Variants in TNC observed in about 807,000 individuals in gnomAD.
TNC encodes the protein tenascin C.
A neutral mutation model predicts 202.4 loss-of-function variants in TNC; 109 were observed. The observed-to-expected ratio is 0.54, with a 90% CI of 0.46 to 0.63. The LOEUF (loss-of-function observed/expected upper bound fraction) is 0.63, where lower values mean the gene tolerates loss of function less well. TNC is among the 30% of genes least tolerant of loss of function. The pLI is 0.00. For synonymous variants in TNC, 1,007 were observed against 1,089.7 expected, an observed-to-expected ratio of 0.92 and a Z score of 1.50; for missense variants, 2,756 against 2,833.3, an observed-to-expected ratio of 0.97 and a Z score of 0.62.
rs59797450 is a variant in TNC, at chr9:115,103,957, A to G, written c.-136-12803T>C. 0.024 allele frequency among the ~76,000 whole-genome samples: 3,551 copies of G among 148,826 alleles called. 413 individuals carry two copies. In the East Asian group the frequency reaches 0.39, roughly 17 times the overall value. ...GTATACCTAAGAAATGCTCAGATGA[A>G]ATATGACTAGATCCATTGATACATT... is the stretch of plus-strand genomic sequence containing the variant. On this transcript the variant is annotated intron_variant, in intron 1 of 27. Transcript: ENST00000350763.
chr9:115,107,228 G>T (rs1836686791), intron 1 of TNC, among the ~76,000 whole-genome samples: 1 of 152,108 alleles, frequency 6.6e-6, no homozygotes, highest in African/African-American at 2.4e-5. Flanking sequence ...TAGAAAATAT[G>T]TAAAGCTTTG....
At chr9:115,074,197 C>G (rs1186770472) in intron 9 of TNC, among the ~76,000 whole-genome samples, 1 of 152,128 alleles carries the variant, frequency 6.6e-6, no homozygotes, top group Non-Finnish European at 1.5e-5. Context: ...GAGAATTATG[C>G]TGAAGGAAAA....
chr9:115,051,134 A>G (rs1249157278), intron 15 of TNC, among the ~76,000 whole-genome samples: 2 of 152,138 alleles, frequency 1.3e-5, no homozygotes, highest in Admixed American at 6.5e-5. Context: ...GAATTTAGTA[A>G]ACTGACACCA....
intron 6 of TNC, among the ~76,000 whole-genome samples, chr9:115,079,933 A>G (rs1476450325): frequency 6.6e-6 from 1 of 152,228 alleles, no homozygotes; most frequent in Non-Finnish European, 1.5e-5. Context: ...TACATCTGGA[A>G]AAAAGGTTAA....
rs142772210 is a variant in TNC, at chr9:115,057,378, C to T, written c.4354G>A (p.Glu1452Lys). ...GNLNVSDITP[E>K]SFNLSWMATD... is the part of the protein sequence containing the mutation. Reference sequence around the variant, plus strand: ...GCCATCCAGGAGAGATTGAAGCTCTCGGGAGTTATGTCAGAAACATTTAAG... The same window carrying T: ...GCCATCCAGGAGAGATTGAAGCTCTTGGGAGTTATGTCAGAAACATTTAAG... The change falls in exon 15 of 28, where the codon GAG becomes AAG. Residue 1452 changes from glutamate to lysine, a missense_variant. By Grantham distance (56) the Glu-to-Lys change is moderately conservative. Around this residue, in one of 2 missense-constraint regions of TNC, gnomAD observed 2,559 missense variants for 2,546.0 expected, o/e 1.01. Coordinates refer to ENST00000350763, the MANE Select transcript of TNC (RefSeq NM_002160.4). 1.4e-5 allele frequency: 22 copies of T among 1,613,498 alleles called. No individual in the cohort carries two copies. Among genetic ancestry groups the T allele is most frequent in the African/African-American group, 5.3e-5 (4 of 74,860 alleles).
intron 14 of TNC, 78 bp from the exon 15 acceptor site, chr9:115,057,503 G>T: frequency 1.4e-6 from 2 of 1,413,716 alleles, no homozygotes; most frequent in Non-Finnish European, 1.9e-6. Flanking sequence ...GATTGAGGTT[G>T]TTAATAGAAC....
chr9:115,078,070 G>T lies in TNC; in HGVS notation c.2547C>A (p.Ile849=), dbSNP rs753985056. The T allele has an allele frequency of 1.2e-6, 2 of 1,614,098 alleles. No homozygotes were observed. The highest frequency in any genetic ancestry group is 1.7e-6 in the Non-Finnish European group (2 of 1,180,002). Residue 849 remains isoleucine (I), a synonymous_variant, in exon 7 of 28, where the codon ATC becomes ATA. Coordinates refer to ENST00000350763, the MANE Select transcript of TNC (RefSeq NM_002160.4). ...ACTGGTTCTCGTCCTCTGTGAGATCGATGGTGGTACGGTCTCCTGGCACGT... is the reference window on the plus strand; with the variant it reads ...ACTGGTTCTCGTCCTCTGTGAGATCTATGGTGGTACGGTCTCCTGGCACGT... ...IKDVPGDRTT[I]DLTEDENQYS... is the part of the protein sequence containing the mutation.
rs562660782 is a variant in TNC at position 115,057,376 on chromosome 9, C to T, written c.4356G>A (p.Glu1452=). Residue 1452 remains glutamate (E), a synonymous_variant, in exon 15 of 28, where the codon GAG becomes GAA. Transcript: ENST00000350763. ...GNLNVSDITP[E]SFNLSWMATD... Reference sequence around the variant, plus strand: ...TAGCCATCCAGGAGAGATTGAAGCTCTCGGGAGTTATGTCAGAAACATTTA... The same window carrying T: ...TAGCCATCCAGGAGAGATTGAAGCTTTCGGGAGTTATGTCAGAAACATTTA... The T allele has an allele frequency of 6.2e-7, 1 of 1,613,806 alleles. No homozygotes were observed. The highest frequency in any genetic ancestry group is 2.2e-5 in the East Asian group (1 of 44,886).
rs545621335 is a variant in TNC, at chr9:115,068,987, C to T, written c.3215-4068G>A. Among the ~76,000 whole-genome samples the T allele has an allele frequency of 1.9e-3, 295 of 152,304 alleles. 1 individual carries two copies. The highest frequency in any genetic ancestry group is 3.7e-3 in the Admixed American group (56 of 15,298). Reference sequence around the variant, plus strand: ...GTTATAATTTGGGTTTTGGTTCTCTCTCTTATAGCAACGTGCACCATTTCT... The same window carrying T: ...GTTATAATTTGGGTTTTGGTTCTCTTTCTTATAGCAACGTGCACCATTTCT... On this transcript the variant is annotated intron_variant, in intron 10 of 27. Transcript: ENST00000350763.
intron 1 of TNC, among the ~76,000 whole-genome samples, chr9:115,109,741 GT>G (rs1323511205): frequency 6.6e-6 from 1 of 152,228 alleles, no homozygotes; most frequent in Non-Finnish European, 1.5e-5. Context: ...CTTGAGGTCT[GT>G]GTCCTGAGAC....
At chr9:115,095,616 G>A (rs866339861) in intron 1 of TNC, among the ~76,000 whole-genome samples, 5 of 1,676 alleles carry the variant, frequency 3.0e-3, no homozygotes, top group African/African-American at 0.01. Context: ...ATGTATATAT[G>A]TATATATATA....
rs369636320 is a variant in TNC, at chr9:115,086,305, G to A, written c.1426C>T (p.Gln476Ter). ...SDMSCPNDCH[Q>*]HGRCVNGMCV... is the part of the protein sequence containing the mutation. ...ATGCCATTCACACAGCGGCCGTGCT[G>A]GTGACAGTCATTAGGGCAGCTCATG... is the stretch of plus-strand genomic sequence containing the variant. The change falls in exon 3 of 28, where the codon CAG becomes TAG. Residue 476 changes from glutamine (Q) to a stop codon, truncating the protein, a stop_gained. Transcript: ENST00000350763. LOFTEE classifies it high-confidence loss of function. 6.2e-7 allele frequency: 1 copy of A among 1,613,896 alleles called. No individual in the cohort carries two copies. The highest frequency in any genetic ancestry group is 1.3e-5 in the African/African-American group (1 of 74,878).
chr9:115,105,963 C>T (rs924238832), intron 1 of TNC, among the ~76,000 whole-genome samples: 3 of 152,080 alleles, frequency 2.0e-5, no homozygotes, highest in African/African-American at 7.2e-5. Context: ...AAGTGAGTCA[C>T]AGGATTAGGT....
At chr9:115,035,372 G>A (rs1476754851) in intron 21 of TNC, 38 bp from the exon 22 acceptor site, 2 of 1,580,284 alleles carry the variant, frequency 1.3e-6, no homozygotes, top group African/African-American at 1.4e-5. Context: ...GATAAGATCA[G>A]CAAATGTAGG....
Position 115,031,573 on chromosome 9 carries a change from A to C in TNC, c.5900T>G (p.Ile1967Ser). The C allele has an allele frequency of 1.2e-6, 2 of 1,601,504 alleles. No homozygotes were observed. Among genetic ancestry groups the C allele is most frequent in the Non-Finnish European group, 8.5e-7 (1 of 1,174,402 alleles). ...CTTACTTGTGGTGAAGATGGTCTGGATCATATTGCTCCTCAGGGGCCCATT... is the reference window on the plus strand; with the variant it reads ...CTTACTTGTGGTGAAGATGGTCTGGCTCATATTGCTCCTCAGGGGCCCATT... ...ALNGPLRSNM[I>S]QTIFTTIGLL... The change falls in exon 23 of 28, where the codon ATC (isoleucine) becomes AGC (serine). Residue 1967 changes from isoleucine (I) to serine (S), a missense_variant. Physicochemically the swap from Ile to Ser is moderately radical, Grantham distance 142. Transcript: ENST00000350763.
In TNC at chr9:115,040,992, C is replaced by T. The variant is rs2274750; in HGVS notation, c.5341G>A (p.Ala1781Thr). ...TCACTTTCCTCAAAGCCCTTCATGG[C>T]GATGATGCTGACAAGGTACTCCACG... ...PGVEYLVSIIAMKGFEESEPV... is the reference protein window; with the variant it reads ...PGVEYLVSIITMKGFEESEPV... Residue 1781 changes from alanine to threonine, a missense_variant, in exon 19 of 28, where the codon GCC (alanine) becomes ACC (threonine). By Grantham distance (58) the Ala-to-Thr change is moderately conservative. Coordinates refer to ENST00000350763, the MANE Select transcript of TNC (RefSeq NM_002160.4). The T allele has an allele frequency of 0.039, 62,908 of 1,613,834 alleles. 1,894 individuals are homozygous for T. The highest frequency in any genetic ancestry group is 0.13 in the Admixed American group (7,518 of 59,964).
At chr9:115,063,654 AT>A (rs1832718553) in intron 12 of TNC, 141 bp downstream of exon 12, 2 of 957,592 alleles carry the variant, frequency 2.1e-6, no homozygotes, top group African/African-American at 1.6e-5. Flanking sequence ...GGGATGTGAC[AT>A]TTAGGAAGAA....
chr9:115,093,884 T>C (rs1029228616), intron 1 of TNC, among the ~76,000 whole-genome samples: 3 of 152,188 alleles, frequency 2.0e-5, no homozygotes, highest in Admixed American at 6.5e-5. Flanking sequence ...TATGTTATTC[T>C]TGAGCATTGT....
intron 1 of TNC, among the ~76,000 whole-genome samples, chr9:115,094,022 G>A (rs1314131055): frequency 1.3e-5 from 2 of 152,156 alleles, no homozygotes; most frequent in Non-Finnish European, 1.5e-5. Flanking sequence ...GGGTTCAAAT[G>A]TCACTCACTA....
Sources: allele counts gnomAD v4.1 joint callset (sites outside exome capture counted in the v4.1 genomes callset), GRCh38; gene constraint gnomAD v4.1.1; regional missense constraint gnomAD v4.1.1; transcripts MANE v1.5; gene names NCBI Gene and HGNC (gene_info 2026-07-23, HGNC 2026-07-21).